TBC1D32: variants seen among roughly 807,000 people sequenced by gnomAD.
TBC1D32 encodes the protein TBC1 domain family member 32, also known as protein broad-minded.
In TBC1D32, 151 loss-of-function variants were observed where a neutral mutation model predicts 170.3. The ratio of observed to expected loss-of-function variants is 0.89; its 90% confidence interval spans 0.78 to 1.01. TBC1D32 has a LOEUF of 1.01. Among genes scored for constraint, TBC1D32 ranks in the 50% least tolerant of loss-of-function variants. The pLI is 0.00. For synonymous variants in TBC1D32, 498 were observed against 488.0 expected (o/e 1.02, Z -0.27); for missense variants, 1,464 against 1,457.1 (o/e 1.00, Z -0.08).
At chr6:121,317,747 T>A (rs2128496795) in intron 2 of TBC1D32, 75 bp from the exon 3 acceptor site, 1 of 1,092,768 alleles carries the variant, frequency 9.2e-7, no homozygotes, top group African/African-American at 1.6e-5. Flanking sequence ...AATTATCTAA[T>A]TTTTTTTCTA....
intron 22 of TBC1D32, among the ~76,000 whole-genome samples, chr6:121,179,746 T>A (rs1387578861): frequency 6.6e-6 from 1 of 152,188 alleles, no homozygotes; most frequent in Non-Finnish European, 1.5e-5. Flanking sequence ...ATAACTGCAC[T>A]AATAATCTAA....
At chr6:121,223,742 T>A (rs947421165) in intron 20 of TBC1D32, among the ~76,000 whole-genome samples, 1 of 152,166 alleles carries the variant, frequency 6.6e-6, no homozygotes, top group Admixed American at 6.6e-5. Context: ...TAATAAATTC[T>A]ATATATTTTT....
chr6:121,162,734 T>C (rs1029095474), intron 22 of TBC1D32, among the ~76,000 whole-genome samples: 2 of 151,560 alleles, frequency 1.3e-5, no homozygotes, highest in East Asian at 2.0e-4. Context: ...GATGGCCGAA[T>C]AGGAACAGCT....
chr6:121,237,173 G>A (rs1796429691), intron 20 of TBC1D32: 1 of 151,932 alleles, frequency 6.6e-6, no homozygotes. Context: ...TAAATTGACT[G>A]CTTCTGTTTC....
At chr6:121,198,242 T>C (rs1791059474) in intron 22 of TBC1D32, among the ~76,000 whole-genome samples, 1 of 141,436 alleles carries the variant, frequency 7.1e-6, no homozygotes, top group African/African-American at 2.7e-5. Flanking sequence ...TATAAATATA[T>C]ATATTATATA....
At chr6:121,241,301 G>A (rs1796954352) in intron 19 of TBC1D32, among the ~76,000 whole-genome samples, 164 bp downstream of exon 19, 2 of 152,152 alleles carry the variant, frequency 1.3e-5, no homozygotes, top group African/African-American at 4.8e-5. Context: ...GAAAAAGAAA[G>A]ACAAAAAGAA....
chr6:121,215,030 C>T (rs1370738411), intron 21 of TBC1D32, among the ~76,000 whole-genome samples: 1 of 152,186 alleles, frequency 6.6e-6, no homozygotes, highest in African/African-American at 2.4e-5. Context: ...GCAGGTCATC[C>T]TGATGTCTGC....
At chr6:121,321,942 C>G in intron 1 of TBC1D32, 148 bp from the exon 2 acceptor site, 1 of 820,402 alleles carries the variant, frequency 1.2e-6, no homozygotes. Flanking sequence ...AGCTAATCTA[C>G]TAATTTTTGG....
chr6:121,328,860 C>A (rs1055975937), intron 1 of TBC1D32, among the ~76,000 whole-genome samples: 1 of 152,092 alleles, frequency 6.6e-6, no homozygotes, highest in African/African-American at 2.4e-5. Context: ...ATTTGACTAA[C>A]CTTGTTACTT....
At chr6:121,170,290 T>G in intron 22 of TBC1D32, 1 of 1,041,832 alleles carries the variant, frequency 9.6e-7, no homozygotes. Context: ...GTTATTTAAA[T>G]TGATTGAATT....
Position 121,317,535 on chromosome 6 carries a change from C to G in TBC1D32, c.455G>C (p.Arg152Pro). The G allele has an allele frequency of 6.2e-7, 1 of 1,612,008 alleles. No homozygotes were observed. The highest frequency in any genetic ancestry group is 8.5e-7 in the Non-Finnish European group (1 of 1,178,982). ...KIQKEKSHSY[R>P]TDNCSDSDSS... ...ATCACTATCAGAGCAATTGTCTGTG[C>G]GGTAACTATGGCTTTTCTCCTTTTG... The change falls in exon 3 of 32, where the codon CGC becomes CCC. Residue 152 changes from arginine (R) to proline (P), a missense_variant. By Grantham distance (103) the Arg-to-Pro change is moderately radical (BLOSUM62 -2). Around this residue, in one of 3 missense-constraint regions of TBC1D32, gnomAD observed 1,363 missense variants for 1,338.1 expected, o/e 1.02. Coordinates refer to ENST00000398212, the MANE Select transcript of TBC1D32 (RefSeq NM_152730.6).
intron 30 of TBC1D32, among the ~76,000 whole-genome samples, chr6:121,104,373 A>T (rs73536481): frequency 0.27 from 40,962 of 151,508 alleles, 8,432 homozygotes; most frequent in African/African-American, 0.57. Context: ...TACTTTAGAA[A>T]CCAAGACTGG....
chr6:121,234,118 T>C (rs1796063555), intron 20 of TBC1D32, among the ~76,000 whole-genome samples: 1 of 152,326 alleles, frequency 6.6e-6, no homozygotes, highest in South Asian at 2.1e-4. Flanking sequence ...AGTTACCTAA[T>C]GCTTTTGCTT....
chr6:121,308,461 T>C (rs1377031787), intron 4 of TBC1D32, among the ~76,000 whole-genome samples: 5 of 151,938 alleles, frequency 3.3e-5, no homozygotes, highest in African/African-American at 2.4e-5. Context: ...AGGCCGTTCC[T>C]ACAGTTTGAG....
chr6:121,125,364 A>G (rs1780710967), intron 26 of TBC1D32, among the ~76,000 whole-genome samples: 2 of 152,194 alleles, frequency 1.3e-5, no homozygotes, highest in Non-Finnish European at 2.9e-5. Flanking sequence ...CTGGCCAGGA[A>G]TCAGAGTCCA....
chr6:121,119,177 A>G (rs189550492), intron 26 of TBC1D32, among the ~76,000 whole-genome samples: 4 of 152,296 alleles, frequency 2.6e-5, no homozygotes, highest in African/African-American at 9.6e-5. Flanking sequence ...TTCAAATAGC[A>G]TATTAAAAAG....
At chr6:121,273,332 C>G (rs1260556718) in intron 15 of TBC1D32, among the ~76,000 whole-genome samples, 1 of 151,356 alleles carries the variant, frequency 6.6e-6, no homozygotes, top group African/African-American at 2.4e-5. Flanking sequence ...GAGGTCATGT[C>G]CTTTGTAGGG....
chr6:121,090,909 A>G lies in TBC1D32; in HGVS notation c.3598T>C (p.Leu1200=). The stretch of plus-strand genomic sequence containing the variant: ...GTGTGCTGTAGAATGTCTTGCTGTA[A>G]ATGTTTGAATACAGCTATACAGATA... ...VYICIAVFKH[L]QQDILQHTQT... Residue 1200 remains leucine (L), a synonymous_variant, in exon 31 of 32, where the codon TTA becomes CTA. Coordinates refer to ENST00000398212, the MANE Select transcript of TBC1D32 (RefSeq NM_152730.6). The G allele has an allele frequency of 6.2e-7, 1 of 1,612,864 alleles. No homozygotes were observed. The highest frequency in any genetic ancestry group is 1.1e-5 in the South Asian group (1 of 90,774).
chr6:121,154,845 T>G (rs1336127106), intron 24 of TBC1D32, among the ~76,000 whole-genome samples: 1 of 152,166 alleles, frequency 6.6e-6, no homozygotes, highest in African/African-American at 2.4e-5. Context: ...TTCTCTATTC[T>G]GTTTTATTGG....
Sources: gnomAD v4.1 joint callset for allele counts (sites outside exome capture counted in the v4.1 genomes callset) on GRCh38, gnomAD v4.1.1 for gene constraint, gnomAD v4.1.1 regional missense constraint, MANE v1.5 for transcripts, NCBI Gene and HGNC (gene_info 2026-07-23, HGNC 2026-07-21) for gene names.